The following RIMBP2 variants were observed in gnomAD, a reference collection of about 807,000 sequenced individuals.
The protein encoded by RIMBP2 is RIMS binding protein 2.
Under a neutral mutation model 118.6 loss-of-function variants are expected in RIMBP2, and 48 were observed. The ratio of observed to expected loss-of-function variants is 0.40; its 90% CI spans 0.32 to 0.51. The LOEUF (loss-of-function observed/expected upper bound fraction) is 0.51, where lower values mean the gene tolerates loss of function less well. Among genes scored for constraint, RIMBP2 ranks in the 20% least tolerant of loss-of-function variants. RIMBP2 has a pLI of 0.41. For synonymous variants in RIMBP2, 762 were observed against 742.9 expected, an observed-to-expected ratio of 1.03 and a Z score of -0.42; for missense variants, 1,551 against 1,768.3, an observed-to-expected ratio of 0.88 and a Z score of 2.20.
Position 130,534,020 on chromosome 12 carries a change from G to T in RIMBP2, c.-216-16103C>A, listed in dbSNP as rs575550288. 2.6e-5 allele frequency among the ~76,000 whole-genome samples: 4 copies of T among 151,846 alleles called. No homozygotes were observed. In the East Asian group the frequency reaches 7.8e-4, roughly 30 times the overall value. On this transcript the variant is annotated intron_variant, in intron 2 of 22. Transcript: ENST00000690449. ...ATCTCTGCTAAAAATACAAAAATTA[G>T]CCAGGCATGGTGGTGCATATCTGTA...
intron 1 of RIMBP2, among the ~76,000 whole-genome samples, chr12:130,665,587 C>G (rs74764320): frequency 0.02 from 3,008 of 151,762 alleles, 191 homozygotes; most frequent in African/African-American, 0.069. Context: ...GAGGAAACAT[C>G]AGACAAACCC....
intron 5 of RIMBP2, among the ~76,000 whole-genome samples, chr12:130,474,473 C>T (rs1433241897): frequency 3.9e-5 from 6 of 152,158 alleles, no homozygotes; most frequent in East Asian, 1.9e-4. Context: ...GAGTCCGACG[C>T]GCCTTTCACG....
intron 1 of RIMBP2, chr12:130,668,278 C>T (rs2064039847): frequency 6.6e-6 from 1 of 152,206 alleles, no homozygotes; most frequent in African/African-American, 2.4e-5. Context: ...CATACGGGGT[C>T]CTGACCCCAG....
Position 130,549,157 on chromosome 12 carries a change from G to T in RIMBP2, c.-216-31240C>A, listed in dbSNP as rs1276224814. Among the ~76,000 whole-genome samples, 3 of 152,290 alleles carry T rather than the reference G, an allele frequency of 2.0e-5. No homozygotes were observed. In the East Asian group the frequency reaches 5.8e-4, roughly 29 times the overall value. On this transcript the variant is annotated intron_variant, in intron 2 of 22. Transcript: ENST00000690449. Reference sequence around the variant, plus strand: ...GGGGAGGACTGCCTAATTCAAACGTGTAACTCTAGGCTGGTGGATATTTCA... The same window carrying T: ...GGGGAGGACTGCCTAATTCAAACGTTTAACTCTAGGCTGGTGGATATTTCA...
intron 2 of RIMBP2, among the ~76,000 whole-genome samples, chr12:130,564,500 T>C (rs1027045079): frequency 2.6e-5 from 4 of 152,196 alleles, no homozygotes; most frequent in Non-Finnish European, 5.9e-5. Context: ...GAAAGGGCAT[T>C]CAGCATTCTT....
chr12:130,616,480 G>C (rs2060942696), intron 2 of RIMBP2, among the ~76,000 whole-genome samples: 1 of 152,162 alleles, frequency 6.6e-6, no homozygotes, highest in South Asian at 2.1e-4. Context: ...TTGAGGGCTT[G>C]CTGATTTCTC....
At chr12:130,532,613 GTA>G (rs1448525183) in intron 2 of RIMBP2, among the ~76,000 whole-genome samples, 1 of 144,372 alleles carries the variant, frequency 6.9e-6, no homozygotes, top group Non-Finnish European at 1.5e-5. Flanking sequence ...AATGAGATGC[GTA>G]TGCTTAGCCT....
At position 130,434,782 on chromosome 12, in the gene RIMBP2, C is replaced by T. The variant is rs955753795; in HGVS notation, c.2205G>A (p.Arg735=). ...DAYDSPDFKR[R]GASVDDFLKG... Reference sequence around the variant, plus strand: ...TCAGGAAGTCGTCCACCGAGGCGCCCCTCCTCTTGAAGTCTGGAGAGTCAT... The same window carrying T: ...TCAGGAAGTCGTCCACCGAGGCGCCTCTCCTCTTGAAGTCTGGAGAGTCAT... Residue 735 remains arginine, a synonymous_variant, in exon 14 of 23, where the codon AGG becomes AGA. Transcript: ENST00000690449. The surrounding 1 kb of genome is among the most constrained non-coding windows in gnomAD (Gnocchi z 5.7). The T allele has an allele frequency of 6.2e-7, 1 of 1,613,882 alleles. No individual in the cohort carries two copies. Among genetic ancestry groups the T allele is most frequent in the African/African-American group, 1.3e-5 (1 of 75,032 alleles).
chr12:130,693,208 G>A (rs112101882), intron 1 of RIMBP2, among the ~76,000 whole-genome samples: 16 of 152,140 alleles, frequency 1.1e-4, no homozygotes, highest in African/African-American at 2.7e-4. Context: ...ATATGACTCC[G>A]TGCTCCATGC....
chr12:130,514,315 C>G (rs1312315337), intron 3 of RIMBP2, among the ~76,000 whole-genome samples: 1 of 152,244 alleles, frequency 6.6e-6, no homozygotes, highest in Non-Finnish European at 1.5e-5. Context: ...GAGAAGACAG[C>G]AGGGGGAGAA....
chr12:130,679,551 G>A (rs1454441009), intron 1 of RIMBP2, among the ~76,000 whole-genome samples: 1 of 152,206 alleles, frequency 6.6e-6, no homozygotes, highest in Non-Finnish European at 1.5e-5. Context: ...AGCTCCCAAG[G>A]TCCTGAGGTG....
chr12:130,523,291 A>G lies in RIMBP2; in HGVS notation c.-216-5374T>C, dbSNP rs1419982583. On this transcript the variant is annotated intron_variant, in intron 2 of 22. Coordinates refer to ENST00000690449, the MANE Select transcript of RIMBP2 (RefSeq NM_001393629.1). The surrounding 1 kb of genome is among the most constrained non-coding windows in gnomAD (Gnocchi z 4.4). Reference sequence around the variant, plus strand: ...CACAGTGAGAAAACAGCCATCTGCAAGTCAAGAAGCGGCTCGCACCAGGAA... The same window carrying G: ...CACAGTGAGAAAACAGCCATCTGCAGGTCAAGAAGCGGCTCGCACCAGGAA... 6.6e-6 allele frequency among the ~76,000 whole-genome samples: 1 copy of G among 152,200 alleles called. No homozygotes were observed. The highest frequency in any genetic ancestry group is 1.9e-4 in the East Asian group (1 of 5,194).
intron 2 of RIMBP2, among the ~76,000 whole-genome samples, chr12:130,561,273 T>A (rs10744468): frequency 0.59 from 89,168 of 152,074 alleles, 26,825 homozygotes; most frequent in Middle Eastern, 0.69. Flanking sequence ...TGGTCCTTTG[T>A]CATGGCAGCA....
At chr12:130,630,281 A>G (rs375393476) in intron 1 of RIMBP2, among the ~76,000 whole-genome samples, 7 of 151,684 alleles carry the variant, frequency 4.6e-5, no homozygotes, top group African/African-American at 1.7e-4. Context: ...CTACAGAAAG[A>G]GTTATTGTCA....
At chr12:130,517,237 T>C (rs2051565403) in intron 3 of RIMBP2, among the ~76,000 whole-genome samples, 1 of 152,084 alleles carries the variant, frequency 6.6e-6, no homozygotes, top group Non-Finnish European at 1.5e-5. Context: ...TGAGCTGGTA[T>C]GTGAGCACAC....
intron 1 of RIMBP2, chr12:130,667,217 G>A (rs1014276221): frequency 6.6e-6 from 1 of 150,874 alleles, no homozygotes; most frequent in Non-Finnish European, 1.5e-5. Context: ...GAGTGAGGGA[G>A]GGAAGGAAGG....
chr12:130,582,895 T>C (rs2058571199), intron 2 of RIMBP2, among the ~76,000 whole-genome samples: 1 of 152,170 alleles, frequency 6.6e-6, no homozygotes, highest in Admixed American at 6.5e-5. Context: ...AGAATGTGTT[T>C]GATGAATGAA....
At chr12:130,598,284 A>G (rs564771213) in intron 2 of RIMBP2, among the ~76,000 whole-genome samples, 1 of 152,326 alleles carries the variant, frequency 6.6e-6, no homozygotes, top group South Asian at 2.1e-4. Flanking sequence ...GGAAGAATCT[A>G]TGTTGTTAAG....
chr12:130,447,746 G>A lies in RIMBP2; in HGVS notation c.581+2454C>T, dbSNP rs1279771683. On this transcript the variant is annotated intron_variant, in intron 9 of 22. Coordinates refer to ENST00000690449, the MANE Select transcript of RIMBP2 (RefSeq NM_001393629.1). This position sits in a 1 kb window ranked among gnomAD's most constrained non-coding sequence, Gnocchi z 4.4. ...GTCAGCCTCACCCTGGACCTCGGGT[G>A]GGAAGGACCCAGGAGCCCTCAGCAA... is the stretch of plus-strand genomic sequence containing the variant. Among the ~76,000 whole-genome samples, 6 of 152,188 alleles carry A rather than the reference G, an allele frequency of 3.9e-5. No homozygotes were observed. The highest frequency in any genetic ancestry group is 1.3e-4 in the Admixed American group (2 of 15,288).
Sources: gnomAD v4.1 joint callset for allele counts (sites outside exome capture counted in the v4.1 genomes callset) on GRCh38, gnomAD v4.1.1 for gene constraint, Gnocchi (gnomAD v3.1) non-coding constraint, MANE v1.5 for transcripts, NCBI Gene and HGNC (gene_info 2026-07-23, HGNC 2026-07-21) for gene names.